ETV7: variants seen among roughly 807,000 people sequenced by gnomAD.
ETV7 encodes the protein ETS variant transcription factor 7, also known as transcription factor ETV7.
Under a neutral mutation model 39.1 loss-of-function variants are expected in ETV7, and 43 were observed. The ratio of observed to expected loss-of-function variants is 1.10; its 90% CI spans 0.86 to 1.42. The LOEUF (loss-of-function observed/expected upper bound fraction) is 1.42, where lower values mean the gene tolerates loss of function less well. Among genes scored for constraint, ETV7 ranks in the 40% most tolerant of loss-of-function variants. ETV7 has a pLI of 0.00. For missense variants in ETV7, 432 were observed against 442.3 expected (o/e 0.98, Z 0.21); for synonymous variants, 196 against 176.6 (o/e 1.11, Z -0.87).
downstream of ETV7, among the ~76,000 whole-genome samples, chr6:36,365,066 G>T (rs562725874): frequency 6.6e-6 from 1 of 152,188 alleles, no homozygotes; most frequent in Non-Finnish European, 1.5e-5. Context: ...CAGTGCAGGC[G>T]CCAGCAGAGA....
chr6:36,362,943 C>T (rs1292893028), downstream of ETV7, among the ~76,000 whole-genome samples: 1 of 152,228 alleles, frequency 6.6e-6, no homozygotes, highest in African/African-American at 2.4e-5. Context: ...TCATCTTGGA[C>T]CCAACCACAA....
At chr6:36,375,715 A>G in intron 3 of ETV7, 156 bp downstream of exon 3, 1 of 1,197,878 alleles carries the variant, frequency 8.3e-7, no homozygotes, top group Non-Finnish European at 1.2e-6. Flanking sequence ...ACCACCAGAT[A>G]CACACGTATG....
At chr6:36,357,057 ATC>A (rs1772360711) in intron 7 of ETV7, among the ~76,000 whole-genome samples, 1 of 152,234 alleles carries the variant, frequency 6.6e-6, no homozygotes, top group Non-Finnish European at 1.5e-5. Flanking sequence ...ATTACAAATT[ATC>A]TCTTTTTTTT....
Position 36,374,500 on chromosome 6 carries a change from G to A in ETV7, c.308-922C>T, listed in dbSNP as rs138893401. 7.4e-4 allele frequency among the ~76,000 whole-genome samples: 113 copies of A among 152,336 alleles called. 1 individual carries two copies. Among genetic ancestry groups the A allele is most frequent in the African/African-American group, 2.5e-3 (102 of 41,576 alleles). On this transcript the variant is annotated intron_variant, in intron 3 of 7. Coordinates refer to ENST00000340181, the MANE Select transcript of ETV7 (RefSeq NM_016135.4). ...AATCTGGGGATCCCAGGCAGCCAGA[G>A]GGATACAATGTAGACAGTGGGCACT...
intron 2 of ETV7, among the ~76,000 whole-genome samples, chr6:36,378,269 C>T (rs1441404691): frequency 1.3e-5 from 2 of 148,186 alleles, no homozygotes; most frequent in Non-Finnish European, 3.0e-5. Flanking sequence ...TGACTCTCCA[C>T]CTGGAAAAAA....
At position 36,368,819 on chromosome 6, in the gene ETV7, A is replaced by T. The variant is rs1413680013; in HGVS notation, c.807+110T>A. The T allele has an allele frequency of 6.3e-6, 9 of 1,427,682 alleles. No homozygotes were observed. In the Admixed American group the frequency reaches 1.8e-4, roughly 28 times the overall value. 88.4% of individuals were successfully genotyped at this position (1,427,682 alleles called of 1,614,324 possible). A position where few individuals can be genotyped will look rare whatever the true frequency, so the allele number is the denominator to read the frequency against. On this transcript the variant is annotated intron_variant, in intron 6 of 7. Transcript: ENST00000340181. ...TATCCTGTCACTTTTGGGGCTGCTG[A>T]TGAAGGCCCCATCAGCTGAGGATTG...
At position 36,366,825 on chromosome 6, in the gene ETV7, C is replaced by G. The variant is rs2234083; in HGVS notation, c.908+50G>C. 5.8e-4 allele frequency: 936 copies of G among 1,612,880 alleles called. 5 individuals are homozygous for G. The African/African-American group carries it at 0.011, about 19-fold the overall frequency. ...CCAGCTGCAGGGGGATTCCAGCCCA[C>G]CCAACCCCAGTTCTGCTTCCCCTTT... On this transcript the variant is annotated intron_variant, in intron 7 of 7. Coordinates refer to ENST00000340181, the MANE Select transcript of ETV7 (RefSeq NM_016135.4).
downstream of ETV7, among the ~76,000 whole-genome samples, chr6:36,364,295 G>A (rs1012476554): frequency 3.9e-4 from 60 of 152,336 alleles, no homozygotes; most frequent in African/African-American, 1.3e-3. Flanking sequence ...GCGCTCGTCG[G>A]GGAGGCTCAG....
At position 36,369,919 on chromosome 6, in the gene ETV7, A is replaced by C. The variant is rs1045164231; in HGVS notation, c.665-848T>G. ...GACCCTGTCTCTTAAAAAAAAAAAA[A>C]CCCAGTAATTGTGGATCATTGTGTT... is the stretch of plus-strand genomic sequence containing the variant. On this transcript the variant is annotated intron_variant, in intron 5 of 7. Transcript: ENST00000340181. 6.0e-5 allele frequency among the ~76,000 whole-genome samples: 9 copies of C among 150,738 alleles called. No individual in the cohort carries two copies. In the East Asian group the frequency reaches 7.8e-4, roughly 13 times the overall value.
At position 36,376,024 on chromosome 6, in the gene ETV7, C is replaced by G. The variant is rs145194281; in HGVS notation, c.154G>C (p.Ala52Pro). Residue 52 changes from alanine to proline, a missense_variant, in exon 3 of 8, where the codon GCA becomes CCA. By Grantham distance (27) the Ala-to-Pro change is conservative (BLOSUM62 -1). Coordinates refer to ENST00000340181, the MANE Select transcript of ETV7 (RefSeq NM_016135.4). ...KLPGRLRIQP[A>P]LWSREDVLHW... is the part of the protein sequence containing the mutation. ...AGCACGTCCTCCCTGCTCCACAGTG[C>G]GGGCTGGATGCCTGCAACCAGCAAG... 4.6e-4 allele frequency: 733 copies of G among 1,601,708 alleles called. No individual in the cohort carries two copies. The highest frequency in any genetic ancestry group is 6.1e-4 in the Non-Finnish European group (715 of 1,176,882).
intron 2 of ETV7, among the ~76,000 whole-genome samples, chr6:36,378,109 G>A (rs1773465131): frequency 6.6e-6 from 1 of 152,130 alleles, no homozygotes; most frequent in Admixed American, 6.5e-5. Context: ...AAAAGAAGGT[G>A]GAGCCCAGGA....
At chr6:36,361,278 G>T (rs536935717), downstream of ETV7, among the ~76,000 whole-genome samples, 1 of 152,176 alleles carries the variant, frequency 6.6e-6, no homozygotes, top group Non-Finnish European at 1.5e-5. Context: ...CGCCAGCAGC[G>T]CAGGGCCCTG....
At chr6:36,358,341 T>A (rs1772392243) in intron 7 of ETV7, among the ~76,000 whole-genome samples, 1 of 152,270 alleles carries the variant, frequency 6.6e-6, no homozygotes, top group South Asian at 2.1e-4. Flanking sequence ...GGCCTTCTGC[T>A]GCTGGCTCTA....
chr6:36,356,389 T>C (rs1582155910), intron 7 of ETV7, among the ~76,000 whole-genome samples: 1 of 147,628 alleles, frequency 6.8e-6, no homozygotes, highest in Admixed American at 6.7e-5. Flanking sequence ...TATACAACTA[T>C]TATATATCAA....
chr6:36,387,645 C>T lies in ETV7; in HGVS notation c.-104G>A. On this transcript the variant is annotated 5_prime_UTR_variant, in exon 1 of 8. Coordinates refer to ENST00000340181, the MANE Select transcript of ETV7 (RefSeq NM_016135.4). ...CGCCCCGCAGTCCTCCTCCGCCAAA[C>T]CCCTAACCTGGCTCCGAGAACTGGA... 7.6e-7 allele frequency: 1 copy of T among 1,321,844 alleles called. No individual in the cohort carries two copies. The highest frequency in any genetic ancestry group is 1.1e-6 in the Non-Finnish European group (1 of 933,220). 81.9% of individuals were successfully genotyped at this position (1,321,844 alleles called of 1,614,324 possible).
intron 7 of ETV7, among the ~76,000 whole-genome samples, chr6:36,356,207 G>A (rs1207772796): frequency 6.6e-6 from 1 of 150,662 alleles, no homozygotes; most frequent in Non-Finnish European, 1.5e-5. Context: ...GCCAAGGCAG[G>A]TGGATTGCAT....
rs1773978100 is a variant in ETV7, at chr6:36,387,567, G to A, written c.-26C>T. 3.7e-6 allele frequency: 6 copies of A among 1,613,866 alleles called. No individual in the cohort carries two copies. Among genetic ancestry groups the A allele is most frequent in the Non-Finnish European group, 5.1e-6 (6 of 1,179,972 alleles). On this transcript the variant is annotated 5_prime_UTR_variant, in exon 1 of 8. Coordinates refer to ENST00000340181, the MANE Select transcript of ETV7 (RefSeq NM_016135.4). ...TACAGGTGGAGGTGAGGAAGCCACC[G>A]GCTTTCTGTCTTGAGCGCTCCCCTG...
At position 36,366,228 on chromosome 6, in the gene ETV7, T is replaced by C; in HGVS notation, c.*417A>G. 2 of 1,025,084 alleles carry C rather than the reference T, an allele frequency of 2.0e-6. No homozygotes were observed. The highest frequency in any genetic ancestry group is 2.3e-6 in the Non-Finnish European group (2 of 853,488). 63.5% of individuals were successfully genotyped at this position (1,025,084 alleles called of 1,614,324 possible). ...ATTGTTTTTATTGTTACTGAGGCTGTCAGTGCCGCCTGGAAGCACTAACAC... is the reference window on the plus strand; with the variant it reads ...ATTGTTTTTATTGTTACTGAGGCTGCCAGTGCCGCCTGGAAGCACTAACAC... On this transcript the variant is annotated 3_prime_UTR_variant, in exon 8 of 8. Coordinates refer to ENST00000340181, the MANE Select transcript of ETV7 (RefSeq NM_016135.4).
chr6:36,359,575 A>G (rs1772433008), intron 7 of ETV7, among the ~76,000 whole-genome samples: 1 of 152,230 alleles, frequency 6.6e-6, no homozygotes. Context: ...CATCTCTGAC[A>G]GCTCAATTTA....
Sources: allele counts gnomAD v4.1 joint callset (sites outside exome capture counted in the v4.1 genomes callset), GRCh38; gene constraint gnomAD v4.1.1; transcripts MANE v1.5; gene names NCBI Gene and HGNC (gene_info 2026-07-23, HGNC 2026-07-21).